Variants in GPR158 observed in about 807,000 individuals in gnomAD.
The protein encoded by GPR158 is metabotropic glycine receptor.
GPR158 carries 30 observed loss-of-function variants against 78.2 expected under a neutral mutation model. The ratio of observed to expected loss-of-function variants is 0.38; its 90% CI spans 0.29 to 0.52. The LOEUF is 0.52. Among genes scored for constraint, GPR158 ranks in the 20% least tolerant of loss-of-function variants. The pLI is 0.83. For synonymous variants in GPR158, 581 were observed against 591.1 expected (o/e 0.98, Z 0.25); for missense variants, 1,463 against 1,523.5 (o/e 0.96, Z 0.66).
At chr10:25,379,697 T>C (rs545237001) in intron 2 of GPR158, among the ~76,000 whole-genome samples, 2 of 149,344 alleles carry the variant, frequency 1.3e-5, no homozygotes, top group Non-Finnish European at 3.0e-5. Context: ...GATTTTGTCT[T>C]CCTGATTATT....
intron 5 of GPR158, among the ~76,000 whole-genome samples, chr10:25,506,606 T>G (rs16926013): frequency 0.04 from 6,162 of 152,308 alleles, 428 homozygotes; most frequent in African/African-American, 0.14. Context: ...CTGCTGTGTG[T>G]TCACGTTCCT....
chr10:25,406,670 T>C (rs141062189), intron 3 of GPR158, among the ~76,000 whole-genome samples: 2,124 of 152,290 alleles, frequency 0.014, 47 homozygotes, highest in African/African-American at 0.048. Context: ...ATTTATGAGT[T>C]ACAACAATTT....
At chr10:25,379,782 C>T (rs1184121970) in intron 2 of GPR158, among the ~76,000 whole-genome samples, 1 of 149,828 alleles carries the variant, frequency 6.7e-6, no homozygotes, top group African/African-American at 2.5e-5. Flanking sequence ...GGCATCTCTT[C>T]TTCTTATCAG....
chr10:25,345,256 C>G (rs1199525515), intron 2 of GPR158, among the ~76,000 whole-genome samples: 1 of 151,986 alleles, frequency 6.6e-6, no homozygotes, highest in Admixed American at 6.6e-5. Flanking sequence ...GGGAGCTCTA[C>G]TAAGCCTCTC....
At chr10:25,456,118 T>C (rs1477812061) in intron 4 of GPR158, among the ~76,000 whole-genome samples, 2 of 152,216 alleles carry the variant, frequency 1.3e-5, no homozygotes, top group African/African-American at 2.4e-5. Flanking sequence ...GCCTGTCAAA[T>C]ACAATACTGC....
In GPR158 at chr10:25,601,109, T is replaced by C. The variant is rs1292305471; in HGVS notation, c.*1835T>C. 6.6e-6 allele frequency: 1 copy of C among 152,510 alleles called. No individual in the cohort carries two copies. The highest frequency in any genetic ancestry group is 1.5e-5 in the Non-Finnish European group (1 of 68,024). The allele number at this position is 152,510 out of a possible 1,614,324, so 9.4% of individuals were successfully genotyped here. On this transcript the variant is annotated 3_prime_UTR_variant, in exon 11 of 11. Transcript: ENST00000376351. ...GAGAAACAGGATCAGAGGGTGGATA[T>C]AGGGCTGTTCTTAGAGAGTATTTTC...
chr10:25,356,673 C>T (rs1855558957), intron 2 of GPR158, among the ~76,000 whole-genome samples: 1 of 152,100 alleles, frequency 6.6e-6, no homozygotes, highest in African/African-American at 2.4e-5. Context: ...TCATCCTTGC[C>T]TTCTGCCATG....
chr10:25,351,783 T>C (rs1293441427), intron 2 of GPR158, among the ~76,000 whole-genome samples: 1 of 151,252 alleles, frequency 6.6e-6, no homozygotes, highest in African/African-American at 2.4e-5. Context: ...GTGCACGATG[T>C]GCAGGTTTGT....
intron 2 of GPR158, among the ~76,000 whole-genome samples, chr10:25,340,432 A>G (rs1249155132): frequency 6.6e-6 from 1 of 152,112 alleles, no homozygotes; most frequent in Non-Finnish European, 1.5e-5. Context: ...TATATGTTAA[A>G]CAGAAACATT....
chr10:25,200,867 TG>T lies in GPR158; in HGVS notation c.903-20184del, dbSNP rs1192672941. On this transcript the variant is annotated intron_variant, in intron 1 of 10. Transcript: ENST00000376351. ...AGATCTATGTATCTGTTTTTTGTTTTGTTTTTTTTTTTTTTTTTTTCAGTAC... is the reference window on the plus strand; with the variant it reads ...AGATCTATGTATCTGTTTTTTGTTTTTTTTTTTTTTTTTTTTTTTCAGTAC... Among the ~76,000 whole-genome samples the T allele has an allele frequency of 5.3e-4, 69 of 130,934 alleles. 1 individual carries two copies. The highest frequency in any genetic ancestry group is 1.4e-3 in the South Asian group (5 of 3,668). The allele number at this position is 130,934 out of a possible 152,430, so 85.9% of individuals were successfully genotyped here.
intron 2 of GPR158, among the ~76,000 whole-genome samples, chr10:25,267,245 A>C (rs1027864818): frequency 6.6e-6 from 1 of 152,146 alleles, no homozygotes; most frequent in African/African-American, 2.4e-5. Context: ...ATTGAGTCCG[A>C]GTTCAGCTTG....
chr10:25,522,376 AG>A (rs1836289640), intron 5 of GPR158, among the ~76,000 whole-genome samples: 1 of 152,140 alleles, frequency 6.6e-6, no homozygotes, highest in African/African-American at 2.4e-5. Flanking sequence ...CCTGTTTTCA[AG>A]GAAATTGTAG....
In GPR158 at chr10:25,411,560, C is replaced by T. The variant is rs140291267; in HGVS notation, c.1112-690C>T. The stretch of plus-strand genomic sequence containing the variant: ...ACATAAAAGCATCAACTTTCTTATT[C>T]CTACTTCTGGTTAATTCTCTAACAA... On this transcript the variant is annotated intron_variant, in intron 3 of 10. Coordinates refer to ENST00000376351, the MANE Select transcript of GPR158 (RefSeq NM_020752.3). 7.8e-3 allele frequency among the ~76,000 whole-genome samples: 1,191 copies of T among 152,144 alleles called. 3 individuals are homozygous for T. Among genetic ancestry groups the T allele is most frequent in the Non-Finnish European group, 0.01 (702 of 67,994 alleles).
At chr10:25,376,762 G>A (rs188956402) in intron 2 of GPR158, among the ~76,000 whole-genome samples, 2 of 151,682 alleles carry the variant, frequency 1.3e-5, no homozygotes, top group Admixed American at 6.6e-5. Flanking sequence ...TTTTTATAGT[G>A]TATACATCCT....
chr10:25,422,850 A>ACCCCCCCCCCCCCCCTTCCC (rs11424448), intron 4 of GPR158, among the ~76,000 whole-genome samples: 28 of 130,194 alleles, frequency 2.2e-4, no homozygotes, highest in South Asian at 5.2e-4. Context: ...TTATTCCCTT[A>ACCCCCCCCCCCCCCCTTCCC]CCCCCCCCAC....
At chr10:25,253,174 G>A (rs983742895) in intron 2 of GPR158, among the ~76,000 whole-genome samples, 123 of 152,310 alleles carry the variant, frequency 8.1e-4, no homozygotes, top group African/African-American at 2.9e-3. Flanking sequence ...GCTTCGGCTC[G>A]CGCACCGTGC....
intron 2 of GPR158, among the ~76,000 whole-genome samples, chr10:25,390,446 G>A (rs1369695411): frequency 1.3e-5 from 2 of 152,202 alleles, no homozygotes; most frequent in Non-Finnish European, 2.9e-5. Flanking sequence ...AACTTTTTGG[G>A]AACTGGAGCA....
Position 25,466,688 on chromosome 10 carries a change from T to A in GPR158, c.1373T>A (p.Ile458Asn), listed in dbSNP as rs754189128. 2 of 1,606,842 alleles carry A rather than the reference T, an allele frequency of 1.2e-6. No homozygotes were observed. The highest frequency in any genetic ancestry group is 2.2e-5 in the South Asian group (2 of 90,036). ...TCGGGCCTTATCCTGTTGGAAACGA[T>A]CCTTTTTGGATCTCTGCTCCTATAC... ...RASGLILLET[I>N]LFGSLLLYFP... is the part of the protein sequence containing the mutation. The change falls in exon 5 of 11, where the codon ATC becomes AAC. Residue 458 changes from isoleucine to asparagine, a missense_variant. By Grantham distance (149) the Ile-to-Asn change is moderately radical. Transcript: ENST00000376351.
At chr10:25,227,584 T>C (rs968889313) in intron 2 of GPR158, among the ~76,000 whole-genome samples, 8 of 152,180 alleles carry the variant, frequency 5.3e-5, no homozygotes, top group Admixed American at 1.3e-4. Context: ...TTTCTTCTTA[T>C]TATTATGGTT....
Sources: allele counts gnomAD v4.1 joint callset (sites outside exome capture counted in the v4.1 genomes callset), GRCh38; gene constraint gnomAD v4.1.1; transcripts MANE v1.5; gene names NCBI Gene and HGNC (gene_info 2026-07-23, HGNC 2026-07-21).